GTF2IRD1: variants seen among roughly 807,000 people sequenced by gnomAD.
GTF2IRD1 encodes the protein GTF2I repeat domain containing 1, also known as general transcription factor II-I repeat domain-containing protein 1.
GTF2IRD1 carries 26 observed loss-of-function variants against 113.2 expected under a neutral mutation model. The ratio of observed to expected loss-of-function variants is 0.23; its 90% CI spans 0.17 to 0.32. The LOEUF (loss-of-function observed/expected upper bound fraction) is 0.32. Among genes scored for constraint, GTF2IRD1 ranks in the 10% least tolerant of loss-of-function variants. GTF2IRD1 has a pLI of 1.00. For synonymous variants in GTF2IRD1, 484 were observed against 529.1 expected (o/e 0.91, Z 1.17); for missense variants, 864 against 1,280.8 (o/e 0.67, Z 4.97).
At chr7:74,469,281 TG>T (rs782538876) in intron 1 of GTF2IRD1, among the ~76,000 whole-genome samples, 26 of 152,130 alleles carry the variant, frequency 1.7e-4, no homozygotes, top group Non-Finnish European at 3.1e-4. Context: ...TCTTTTTTTT[TG>T]TAAGTTTATT....
rs1475032259 is a variant in GTF2IRD1 at position 74,541,884 on chromosome 7, G to C, written c.1618+1916G>C. Among the ~76,000 whole-genome samples, 3 of 151,152 alleles carry C rather than the reference G, an allele frequency of 2.0e-5. No homozygotes were observed. In the East Asian group the frequency reaches 5.8e-4, roughly 29 times the overall value. On this transcript the variant is annotated intron_variant, in intron 14 of 26. Coordinates refer to ENST00000424337, the MANE Select transcript of GTF2IRD1 (RefSeq NM_005685.4). ...CCATTGCACTCCAGCCTGGACAACA[G>C]AGCGAAGCTCTGCCTCAAAATAACT...
intron 3 of GTF2IRD1, among the ~76,000 whole-genome samples, chr7:74,515,088 C>T (rs1554344244): frequency 6.8e-6 from 1 of 146,618 alleles, no homozygotes; most frequent in African/African-American, 2.5e-5. Context: ...AATAGAAAGA[C>T]ACAGATGGAA....
At chr7:74,562,289 G>A (rs1314074534) in intron 22 of GTF2IRD1, among the ~76,000 whole-genome samples, 2 of 152,188 alleles carry the variant, frequency 1.3e-5, no homozygotes, top group African/African-American at 2.4e-5. Context: ...AGGGCAGGTG[G>A]AGGGGTGGCA....
chr7:74,462,418 T>C (rs1281164883), intron 1 of GTF2IRD1, among the ~76,000 whole-genome samples: 7 of 152,208 alleles, frequency 4.6e-5, no homozygotes, highest in Non-Finnish European at 8.8e-5. Flanking sequence ...TTGTACAATG[T>C]CACATAAATG....
intron 8 of GTF2IRD1, 94 bp downstream of exon 8, chr7:74,524,248 G>A: frequency 1.2e-6 from 1 of 806,434 alleles, no homozygotes; most frequent in Admixed American, 2.2e-5. Flanking sequence ...CACGGCAGCG[G>A]GAGCCATATG....
At chr7:74,583,784 C>G (rs1212298701) in intron 22 of GTF2IRD1, among the ~76,000 whole-genome samples, 4 of 152,148 alleles carry the variant, frequency 2.6e-5, no homozygotes, top group African/African-American at 9.6e-5. Flanking sequence ...GGGGAAGTTT[C>G]CTGATTGGCT....
Position 74,589,888 on chromosome 7 carries a change from C to T in GTF2IRD1, c.2358C>T (p.Ile786=), listed in dbSNP as rs1449327416. The change falls in exon 23 of 27, where the codon ATC becomes ATT. Residue 786 remains isoleucine (I), a synonymous_variant. Transcript: ENST00000424337. ...DDANRLGEKV[I]LREQVKELFN... is the part of the protein sequence containing the mutation. ...CCAACAGACTCGGGGAGAAGGTGATCCTGCGGGAGCAGGTGAAGGAACTCT... is the reference window on the plus strand; with the variant it reads ...CCAACAGACTCGGGGAGAAGGTGATTCTGCGGGAGCAGGTGAAGGAACTCT... The T allele has an allele frequency of 1.2e-6, 2 of 1,612,132 alleles. No individual in the cohort carries two copies. Among genetic ancestry groups the T allele is most frequent in the East Asian group, 2.2e-5 (1 of 44,856 alleles).
intron 4 of GTF2IRD1, among the ~76,000 whole-genome samples, chr7:74,517,300 C>T (rs1796992832): frequency 6.6e-6 from 1 of 151,600 alleles, no homozygotes. Flanking sequence ...GCTGGGATTA[C>T]AGGCGTGAGC....
intron 22 of GTF2IRD1, among the ~76,000 whole-genome samples, chr7:74,560,519 T>G (rs1378485877): frequency 1.4e-5 from 2 of 147,000 alleles, no homozygotes; most frequent in African/African-American, 2.5e-5. Flanking sequence ...ATTAAAAATA[T>G]TTATATAATT....
rs781826443 is a variant in GTF2IRD1, at chr7:74,512,795, A to C, written c.124-35A>C. On this transcript the variant is annotated intron_variant, in intron 2 of 26. Transcript: ENST00000424337. The surrounding 1 kb of genome is among the most constrained non-coding windows in gnomAD (Gnocchi z 4.4). Reference sequence around the variant, plus strand: ...TACTAGAGGTGTTCGGAGTATGGGGAGCCCTTCCGCTCACACAGCCTGCCC... The same window carrying C: ...TACTAGAGGTGTTCGGAGTATGGGGCGCCCTTCCGCTCACACAGCCTGCCC... 2 of 1,607,032 alleles carry C rather than the reference A, an allele frequency of 1.2e-6. No individual in the cohort carries two copies. Among genetic ancestry groups the C allele is most frequent in the South Asian group, 2.2e-5 (2 of 90,734 alleles).
chr7:74,476,366 C>CTTTTTTTTTTTTTTTT lies in GTF2IRD1; in HGVS notation c.-7+22201_-7+22202insTTTTTTTTTTTTTTTT, dbSNP rs61151844. On this transcript the variant is annotated intron_variant, in intron 1 of 26. Coordinates refer to ENST00000424337, the MANE Select transcript of GTF2IRD1 (RefSeq NM_005685.4). Reference sequence around the variant, plus strand: ...CCCGCTTGGAAGCCTTCTGAACCTCCTTTTTTTTTTTCTTTTGAGACGGAG... The same window carrying CTTTTTTTTTTTTTTTT: ...CCCGCTTGGAAGCCTTCTGAACCTCCTTTTTTTTTTTTTTTTTTTTTTTTTTTCTTTTGAGACGGAG... Among the ~76,000 whole-genome samples the CTTTTTTTTTTTTTTTT allele has an allele frequency of 2.0e-4, 24 of 122,156 alleles. 3 individuals carry two copies. The highest frequency in any genetic ancestry group is 2.3e-4 in the African/African-American group (7 of 30,510). 80.1% of individuals were successfully genotyped at this position (122,156 alleles called of 152,430 possible).
intron 16 of GTF2IRD1, 149 bp from the exon 17 acceptor site, chr7:74,546,954 G>T: frequency 2.8e-6 from 2 of 704,942 alleles, no homozygotes; most frequent in Admixed American, 2.4e-5. Flanking sequence ...CTGCAGGCTG[G>T]GGGGCCACTC....
intron 13 of GTF2IRD1, 67 bp from the exon 14 acceptor site, chr7:74,539,812 C>T (rs1554351237): frequency 1.8e-6 from 2 of 1,110,796 alleles, no homozygotes; most frequent in Non-Finnish European, 2.8e-6. Flanking sequence ...CTGGGTGGGC[C>T]CTGAGGGACT....
At chr7:74,480,790 T>C (rs1794697561) in intron 1 of GTF2IRD1, among the ~76,000 whole-genome samples, 1 of 152,020 alleles carries the variant, frequency 6.6e-6, no homozygotes, top group Non-Finnish European at 1.5e-5. Context: ...GGGAGAGAAA[T>C]GGAGAAACCT....
At chr7:74,554,109 G>C (rs782244114) in intron 17 of GTF2IRD1, among the ~76,000 whole-genome samples, 1 of 152,156 alleles carries the variant, frequency 6.6e-6, no homozygotes, top group Non-Finnish European at 1.5e-5. Flanking sequence ...CGGAGTTGCT[G>C]CTTGATTACC....
chr7:74,512,729 T>G lies in GTF2IRD1; in HGVS notation c.124-101T>G, dbSNP rs1584563509. Reference sequence around the variant, plus strand: ...TCTGTCCCTGGAGCTGCTGCTGGGGTCTCAGGCAGCTGGGAGCTCACATCC... The same window carrying G: ...TCTGTCCCTGGAGCTGCTGCTGGGGGCTCAGGCAGCTGGGAGCTCACATCC... On this transcript the variant is annotated intron_variant, in intron 2 of 26. Coordinates refer to ENST00000424337, the MANE Select transcript of GTF2IRD1 (RefSeq NM_005685.4). This position sits in a 1 kb window ranked among gnomAD's most constrained non-coding sequence, Gnocchi z 4.4. The G allele has an allele frequency of 9.2e-7, 1 of 1,092,784 alleles. No homozygotes were observed. Among genetic ancestry groups the G allele is most frequent in the Non-Finnish European group, 1.3e-6 (1 of 752,868 alleles). 67.7% of individuals were successfully genotyped at this position (1,092,784 alleles called of 1,614,324 possible).
intron 17 of GTF2IRD1, among the ~76,000 whole-genome samples, chr7:74,550,539 A>G (rs1282075315): frequency 1.3e-5 from 2 of 151,516 alleles, no homozygotes; most frequent in Non-Finnish European, 2.9e-5. Context: ...GTGAGCCCTG[A>G]TTGCACCACT....
chr7:74,602,602 AAAAG>A (rs1802821671), exon 27 of GTF2IRD1: 5 of 514,598 alleles, frequency 9.7e-6, no homozygotes, highest in Non-Finnish European at 1.7e-5. Context: ...AAAAAAAAAA[AAAAG>A]AGTGTTGCCT....
intron 22 of GTF2IRD1, among the ~76,000 whole-genome samples, chr7:74,583,455 T>C (rs1331112379): frequency 2.0e-5 from 3 of 148,674 alleles, no homozygotes; most frequent in Non-Finnish European, 4.5e-5. Context: ...GTCTCCCAAA[T>C]TGCTGGGATT....
Sources: gnomAD v4.1 joint callset for allele counts (sites outside exome capture counted in the v4.1 genomes callset) on GRCh38, gnomAD v4.1.1 for gene constraint, Gnocchi (gnomAD v3.1) non-coding constraint, MANE v1.5 for transcripts, NCBI Gene and HGNC (gene_info 2026-07-23, HGNC 2026-07-21) for gene names.